Variants in CCDC146 observed in about 807,000 individuals in gnomAD.
The protein encoded by CCDC146 is coiled-coil domain-containing protein 146.
In CCDC146, 92 loss-of-function variants were observed where a neutral mutation model predicts 119.3. The observed-to-expected ratio is 0.77, with a 90% CI of 0.65 to 0.92. The LOEUF (loss-of-function observed/expected upper bound fraction) is 0.92, where lower values mean the gene tolerates loss of function less well. Among genes scored for constraint, CCDC146 ranks in the 40% least tolerant of loss-of-function variants. The probability of loss-of-function intolerance (pLI) is 0.00; values close to 1 mark genes in which losing one functional copy is unlikely to be tolerated. For missense variants in CCDC146, 1,000 were observed against 1,103.0 expected (o/e 0.91, Z 1.32); for synonymous variants, 372 against 371.8 (o/e 1.00, Z -0.01).
intron 8 of CCDC146, among the ~76,000 whole-genome samples, chr7:77,260,770 G>A (rs1229615220): frequency 3.4e-5 from 5 of 145,486 alleles, no homozygotes; most frequent in African/African-American, 1.3e-4. Flanking sequence ...GGGACTACAT[G>A]TGCGCACCAC....
chr7:77,155,895 C>G (rs572216262), intron 1 of CCDC146, among the ~76,000 whole-genome samples: 1 of 151,958 alleles, frequency 6.6e-6, no homozygotes, highest in Non-Finnish European at 1.5e-5. Flanking sequence ...ATGAGTAATA[C>G]AGAGCTTGTT....
chr7:77,288,808 G>A (rs996744717), intron 17 of CCDC146, among the ~76,000 whole-genome samples: 1 of 152,182 alleles, frequency 6.6e-6, no homozygotes, highest in African/African-American at 2.4e-5. Flanking sequence ...GAGACTGTGG[G>A]CTCCTGAGGG....
chr7:77,141,844 T>C (rs771610898), intron 1 of CCDC146, among the ~76,000 whole-genome samples: 9 of 152,120 alleles, frequency 5.9e-5, no homozygotes, highest in Non-Finnish European at 8.8e-5. Flanking sequence ...ATTGCGGAAA[T>C]TTTCTCCCAT....
chr7:77,267,332 CAGAT>C lies in CCDC146; in HGVS notation c.1173+5029_1173+5032del, dbSNP rs374384036. 5.0e-4 allele frequency among the ~76,000 whole-genome samples: 76 copies of C among 152,232 alleles called. 2 individuals carry two copies. Among genetic ancestry groups the C allele is most frequent in the Admixed American group, 2.5e-3 (39 of 15,296 alleles). On this transcript the variant is annotated intron_variant, in intron 9 of 18. Transcript: ENST00000285871. ...ATTCTGAGGCCCAGTGCTGACTTGT[CAGAT>C]AGAAGCTCTGTAGTTGATTGGTGAT...
Position 77,241,789 on chromosome 7 carries a change from C to T in CCDC146, c.338C>T (p.Pro113Leu), listed in dbSNP as rs1471918425. Residue 113 changes from proline (P) to leucine (L), a missense_variant, in exon 4 of 19, where the codon CCA becomes CTA. Physicochemically the swap from Pro to Leu is moderately conservative, Grantham distance 98. Around this residue, in one of 2 missense-constraint regions of CCDC146, gnomAD observed 985 missense variants for 1,045.3 expected, o/e 0.94. Transcript: ENST00000285871. ...CACCTGCAGCAAGCTGATAATTTTC[C>T]AGAAGCATTCTCCACGGAGGTCTCC... is the stretch of plus-strand genomic sequence containing the variant. ...QFHLQQADNF[P>L]EAFSTEVSKM... The T allele has an allele frequency of 6.2e-7, 1 of 1,614,040 alleles. No homozygotes were observed. Among genetic ancestry groups the T allele is most frequent in the African/African-American group, 1.3e-5 (1 of 75,042 alleles).
chr7:77,163,073 T>C (rs1187513416), intron 1 of CCDC146, among the ~76,000 whole-genome samples: 3 of 152,234 alleles, frequency 2.0e-5, no homozygotes, highest in African/African-American at 7.2e-5. Context: ...GTTGCCTAGG[T>C]AAGCTGCATC....
chr7:77,242,378 A>G, intron 4 of CCDC146: 1 of 989,168 alleles, frequency 1.0e-6, no homozygotes, highest in Non-Finnish European at 1.2e-6. Context: ...AGGACCACAT[A>G]TGCAAACTTC....
chr7:77,280,525 A>T lies in CCDC146; in HGVS notation c.1791A>T (p.Glu597Asp). 1 of 1,614,204 alleles carries T rather than the reference A, an allele frequency of 6.2e-7. No individual in the cohort carries two copies. Among genetic ancestry groups the T allele is most frequent in the Non-Finnish European group, 8.5e-7 (1 of 1,180,022 alleles). Residue 597 changes from glutamate (E) to aspartate (D), a missense_variant, in exon 14 of 19, where the codon GAA becomes GAT. Glu to Asp is a conservative substitution (Grantham distance 45). Coordinates refer to ENST00000285871, the MANE Select transcript of CCDC146 (RefSeq NM_020879.3). ...GCAAAATTGTATCAAAACTTCAGGA[A>T]ATGAAAGAAAAGAAGGAAGCCCAGT... ...DVRKIVSKLQ[E>D]MKEKKEAQLN...
At chr7:77,278,713 T>C in intron 11 of CCDC146, 39 bp from the exon 12 acceptor site, 1 of 1,378,628 alleles carries the variant, frequency 7.3e-7, no homozygotes, top group Non-Finnish European at 1.0e-6. Flanking sequence ...GGAGTGTTCA[T>C]ATGTTGTTAT....
At chr7:77,203,044 C>G (rs1241259135) in intron 2 of CCDC146, among the ~76,000 whole-genome samples, 2 of 129,340 alleles carry the variant, frequency 1.5e-5, no homozygotes, top group Admixed American at 8.4e-5. Context: ...CCCCCCCCCC[C>G]CAGGACTATT....
intron 9 of CCDC146, among the ~76,000 whole-genome samples, chr7:77,266,958 G>A (rs1241712405): frequency 6.6e-6 from 1 of 151,774 alleles, no homozygotes; most frequent in Non-Finnish European, 1.5e-5. Context: ...TCCATTTGGG[G>A]GTAGCTCCCT....
intron 1 of CCDC146, among the ~76,000 whole-genome samples, chr7:77,137,044 T>G (rs1322845423): frequency 6.6e-6 from 1 of 152,116 alleles, no homozygotes; most frequent in African/African-American, 2.4e-5. Context: ...TTTGACAAAA[T>G]GCAAAGCCCA....
At chr7:77,179,468 GT>G (rs1315583999) in intron 2 of CCDC146, among the ~76,000 whole-genome samples, 2 of 139,736 alleles carry the variant, frequency 1.4e-5, no homozygotes, top group Non-Finnish European at 3.0e-5. Context: ...TATACACACT[GT>G]TTTTTTCACA....
chr7:77,144,691 T>C (rs1439975205), intron 1 of CCDC146, among the ~76,000 whole-genome samples: 1 of 151,892 alleles, frequency 6.6e-6, no homozygotes, highest in African/African-American at 2.4e-5. Flanking sequence ...GTTTTTGTCA[T>C]TGGTTCTGTT....
chr7:77,247,401 C>G (rs548108711), intron 4 of CCDC146, among the ~76,000 whole-genome samples: 1 of 152,184 alleles, frequency 6.6e-6, no homozygotes, highest in Non-Finnish European at 1.5e-5. Flanking sequence ...ACTACTACCC[C>G]CTGGTGGCAG....
At chr7:77,292,181 C>T (rs2150559420) in intron 17 of CCDC146, among the ~76,000 whole-genome samples, 1 of 152,218 alleles carries the variant, frequency 6.6e-6, no homozygotes, top group Admixed American at 6.5e-5. Context: ...ATAGTCCTAT[C>T]TACTTAGGAG....
chr7:77,279,839 T>A (rs1025409172), intron 13 of CCDC146, among the ~76,000 whole-genome samples: 1 of 152,082 alleles, frequency 6.6e-6, no homozygotes. Flanking sequence ...CTTTCACCTA[T>A]GTTAGTAAAC....
At chr7:77,210,144 C>G (rs1792155584) in intron 2 of CCDC146, among the ~76,000 whole-genome samples, 1 of 152,240 alleles carries the variant, frequency 6.6e-6, no homozygotes, top group South Asian at 2.1e-4. Context: ...TGCAAATTTT[C>G]TAAACCTTTA....
intron 4 of CCDC146, among the ~76,000 whole-genome samples, chr7:77,253,177 A>C (rs937372033): frequency 2.0e-5 from 3 of 152,214 alleles, no homozygotes; most frequent in Non-Finnish European, 4.4e-5. Flanking sequence ...ATTGTCCTCA[A>C]ATACCCATAC....
Sources: allele counts gnomAD v4.1 joint callset (sites outside exome capture counted in the v4.1 genomes callset), GRCh38; gene constraint gnomAD v4.1.1; regional missense constraint gnomAD v4.1.1; transcripts MANE v1.5; gene names NCBI Gene and HGNC (gene_info 2026-07-23, HGNC 2026-07-21).